Variants in EPS15L1 observed in about 807,000 individuals in gnomAD.
EPS15L1 encodes epidermal growth factor receptor substrate 15-like 1.
EPS15L1 carries 43 observed loss-of-function variants against 117.1 expected under a neutral mutation model. The ratio of observed to expected loss-of-function variants is 0.37; its 90% CI spans 0.29 to 0.47. The LOEUF is 0.47. EPS15L1 is among the 20% of genes least tolerant of loss of function. The pLI is 0.99. For synonymous variants in EPS15L1, 459 were observed against 470.5 expected (o/e 0.98, Z 0.32); for missense variants, 981 against 1,164.0 (o/e 0.84, Z 2.29).
At chr19:16,447,621 A>T (rs1381930762) in intron 1 of EPS15L1, among the ~76,000 whole-genome samples, 1 of 152,044 alleles carries the variant, frequency 6.6e-6, no homozygotes, top group Non-Finnish European at 1.5e-5. Flanking sequence ...TTAGCCAGGC[A>T]TGGTGGCAGG....
Position 16,405,895 on chromosome 19 carries a change from TTG to T in EPS15L1, c.1267-1148_1267-1147del, listed in dbSNP as rs2092651264. On this transcript the variant is annotated intron_variant, in intron 13 of 23. Coordinates refer to ENST00000455140, the MANE Select transcript of EPS15L1 (RefSeq NM_001258374.3). This position sits in a 1 kb window ranked among gnomAD's most constrained non-coding sequence, Gnocchi z 4.0. Reference sequence around the variant, plus strand: ...CAAAGCTGAAATAGCACAACGGGCATTGTGACAAGCCTCCTCCCTCCAGCTGC... The same window carrying T: ...CAAAGCTGAAATAGCACAACGGGCATTGACAAGCCTCCTCCCTCCAGCTGC... 6.6e-6 allele frequency among the ~76,000 whole-genome samples: 1 copy of T among 152,198 alleles called. No homozygotes were observed. Among genetic ancestry groups the T allele is most frequent in the African/African-American group, 2.4e-5 (1 of 41,452 alleles).
intron 6 of EPS15L1, 77 bp downstream of exon 6, chr19:16,436,860 A>G (rs1482600163): frequency 2.9e-5 from 35 of 1,211,958 alleles, no homozygotes; most frequent in Non-Finnish European, 4.0e-5. Context: ...GAACAATTCC[A>G]GAACAATTCT....
chr19:16,434,707 C>T, intron 6 of EPS15L1: 1 of 460,176 alleles, frequency 2.2e-6, no homozygotes, highest in South Asian at 2.7e-5. Flanking sequence ...GATCTGGGAG[C>T]CAAGGTCCTC....
chr19:16,431,417 C>T (rs2092926314), intron 7 of EPS15L1, among the ~76,000 whole-genome samples: 1 of 151,408 alleles, frequency 6.6e-6, no homozygotes, highest in Non-Finnish European at 1.5e-5. Context: ...GATTCTCCTG[C>T]CTCAGCTTCC....
At chr19:16,459,394 T>G (rs932779753) in intron 1 of EPS15L1, among the ~76,000 whole-genome samples, 3 of 152,140 alleles carry the variant, frequency 2.0e-5, no homozygotes, top group African/African-American at 7.2e-5. Context: ...TCTTAATGCC[T>G]GGAGGGTGGA....
At position 16,395,594 on chromosome 19, in the gene EPS15L1, G is replaced by A. The variant is rs140369912; in HGVS notation, c.1792-127C>T. On this transcript the variant is annotated intron_variant, in intron 16 of 23. Coordinates refer to ENST00000455140, the MANE Select transcript of EPS15L1 (RefSeq NM_001258374.3). ...GACCCTAAAAAGAATGATTTAGCCA[G>A]GAGTTCGAGGCTGGCCTGGGCAACA... is the stretch of plus-strand genomic sequence containing the variant. 7.0e-5 allele frequency: 72 copies of A among 1,030,440 alleles called. No individual in the cohort carries two copies. The African/African-American group carries it at 8.8e-4, about 13-fold the overall frequency. 63.8% of individuals were successfully genotyped at this position (1,030,440 alleles called of 1,614,324 possible). A position where few individuals can be genotyped will look rare whatever the true frequency, so the allele number is the denominator to read the frequency against.
chr19:16,428,797 G>T (rs772839218), intron 7 of EPS15L1, 36 bp from the exon 8 acceptor site: 27 of 1,559,358 alleles, frequency 1.7e-5, no homozygotes, highest in Non-Finnish European at 8.8e-7. Flanking sequence ...AACTGTGGGA[G>T]GAAGGACTGG....
chr19:16,398,058 T>C (rs1313433307), intron 16 of EPS15L1, among the ~76,000 whole-genome samples: 1 of 152,024 alleles, frequency 6.6e-6, no homozygotes, highest in African/African-American at 2.4e-5. Context: ...TGTGGGGAAA[T>C]GACATCAAAG....
Position 16,386,697 on chromosome 19 carries a change from A to G in EPS15L1, c.2104-466T>C, listed in dbSNP as rs1012610860. Among the ~76,000 whole-genome samples, 7 of 152,304 alleles carry G rather than the reference A, an allele frequency of 4.6e-5. No homozygotes were observed. The East Asian group carries it at 1.4e-3, about 29-fold the overall frequency. ...GGGATGGAGGGGCAGAGATGCAAAG[A>G]TGCAAGCCCTGAACTTCATGATCCA... On this transcript the variant is annotated intron_variant, in intron 19 of 23. Transcript: ENST00000455140.
chr19:16,427,813 GA>G (rs2144987268), intron 8 of EPS15L1, among the ~76,000 whole-genome samples: 1 of 152,230 alleles, frequency 6.6e-6, no homozygotes, highest in African/African-American at 2.4e-5. Context: ...GGAATTGCTT[GA>G]ACCCAGGAGG....
intron 22 of EPS15L1, among the ~76,000 whole-genome samples, chr19:16,367,230 G>T (rs1470039495): frequency 6.6e-6 from 1 of 151,498 alleles, no homozygotes; most frequent in East Asian, 1.9e-4. Context: ...CTAGATATTT[G>T]CAGCGGGAAC....
intron 8 of EPS15L1, 74 bp from the exon 9 acceptor site, chr19:16,425,390 G>T: frequency 9.7e-7 from 1 of 1,035,998 alleles, no homozygotes; most frequent in African/African-American, 1.6e-5. Context: ...GCAGAGGGCA[G>T]CCCTTTGGGG....
chr19:16,372,740 G>A (rs570787942), intron 22 of EPS15L1, among the ~76,000 whole-genome samples: 32 of 152,348 alleles, frequency 2.1e-4, no homozygotes, highest in South Asian at 8.3e-4. Context: ...CGTGCAAGGC[G>A]CTTCACCCAC....
rs1230308746 is a variant in EPS15L1 at position 16,362,612 on chromosome 19, C to T, written c.2381-628G>A. ...AATCATGGCTTATTGCGGCCTTGGC[C>T]TCCAGGGCTCAAGCGATCCTCCCAC... On this transcript the variant is annotated intron_variant, in intron 22 of 23. Coordinates refer to ENST00000455140, the MANE Select transcript of EPS15L1 (RefSeq NM_001258374.3). 6.0e-5 allele frequency among the ~76,000 whole-genome samples: 9 copies of T among 149,642 alleles called. No homozygotes were observed. In the Admixed American group the frequency reaches 6.0e-4, roughly 10 times the overall value.
chr19:16,467,302 G>A (rs894439490), intron 1 of EPS15L1, among the ~76,000 whole-genome samples: 9 of 151,828 alleles, frequency 5.9e-5, no homozygotes, highest in Admixed American at 2.0e-4. Flanking sequence ...GCGTCCGCCA[G>A]GACGCCAGGC....
chr19:16,364,752 C>A (rs1462663538), intron 22 of EPS15L1, among the ~76,000 whole-genome samples: 1 of 152,116 alleles, frequency 6.6e-6, no homozygotes, highest in African/African-American at 2.4e-5. Context: ...AGGCTGTCCA[C>A]TGGAGCAGAA....
intron 1 of EPS15L1, among the ~76,000 whole-genome samples, chr19:16,448,937 G>C (rs192313235): frequency 5.3e-5 from 8 of 152,116 alleles, no homozygotes; most frequent in Middle Eastern, 6.8e-3. Flanking sequence ...ATATACTAGA[G>C]AGCTCTCAAA....
intron 1 of EPS15L1, among the ~76,000 whole-genome samples, chr19:16,459,244 T>C (rs990878410): frequency 2.0e-5 from 3 of 152,208 alleles, no homozygotes; most frequent in African/African-American, 7.2e-5. Flanking sequence ...CGCCCTGCTC[T>C]AAGATGACCC....
At chr19:16,454,017 A>C (rs1270809148) in intron 1 of EPS15L1, among the ~76,000 whole-genome samples, 1 of 152,222 alleles carries the variant, frequency 6.6e-6, no homozygotes, top group Non-Finnish European at 1.5e-5. Context: ...GAAACAATAC[A>C]AACTGGCATT....
Sources: allele counts gnomAD v4.1 joint callset (sites outside exome capture counted in the v4.1 genomes callset), GRCh38; gene constraint gnomAD v4.1.1; non-coding constraint Gnocchi (gnomAD v3.1); transcripts MANE v1.5; gene names NCBI Gene and HGNC (gene_info 2026-07-23, HGNC 2026-07-21).